SLC44A1: variants seen among roughly 807,000 people sequenced by gnomAD.
SLC44A1 encodes solute carrier family 44 member 1, also known as choline transporter-like protein 1.
In SLC44A1, 26 loss-of-function variants were observed where a neutral mutation model predicts 79.3. The observed-to-expected ratio is 0.33, with a 90% confidence interval of 0.24 to 0.46. The LOEUF (loss-of-function observed/expected upper bound fraction) is 0.46. Ranked by LOEUF, SLC44A1 falls within the 20% of genes least tolerant of loss-of-function variation. SLC44A1 has a pLI of 1.00. For missense variants in SLC44A1, 688 were observed against 798.1 expected, an observed-to-expected ratio of 0.86 and a Z score of 1.66; for synonymous variants, 263 against 286.2, an observed-to-expected ratio of 0.92 and a Z score of 0.82.
intron 2 of SLC44A1, among the ~76,000 whole-genome samples, chr9:105,304,711 T>C (rs1830971171): frequency 1.3e-5 from 2 of 152,118 alleles, no homozygotes; most frequent in South Asian, 4.1e-4. Flanking sequence ...AAAAAGTTAC[T>C]TGCTCATGAT....
In SLC44A1 at chr9:105,367,655, C is replaced by A. The variant is rs570115624; in HGVS notation, c.1494+1226C>A. 2.0e-5 allele frequency among the ~76,000 whole-genome samples: 3 copies of A among 152,216 alleles called. No individual in the cohort carries two copies. The South Asian group carries it at 6.2e-4, about 32-fold the overall frequency. ...AGTCTCAATCCTACTGCCGTACCCC[C>A]AGGCACCTTTTGCTTTTGCAGTTTT... On this transcript the variant is annotated intron_variant, in intron 12 of 15. Transcript: ENST00000374720.
At chr9:105,436,193 A>G (rs1829461923) in intron 15 of SLC44A1, among the ~76,000 whole-genome samples, 1 of 152,220 alleles carries the variant, frequency 6.6e-6, no homozygotes, top group Non-Finnish European at 1.5e-5. Context: ...GCAAGACTCT[A>G]TCTCAAAAAC....
In SLC44A1 at chr9:105,395,631, G is replaced by A. The variant is rs1828860697; in HGVS notation, c.*6575G>A. ...CAGTCTAAGTATCTAAATGTGATATGCCCTTTTGTCACAGAAGTGTAAGAC... is the reference window on the plus strand; with the variant it reads ...CAGTCTAAGTATCTAAATGTGATATACCCTTTTGTCACAGAAGTGTAAGAC... On this transcript the variant is annotated 3_prime_UTR_variant, in exon 16 of 16. Coordinates refer to ENST00000374720, the MANE Select transcript of SLC44A1 (RefSeq NM_080546.5). 8 of 985,086 alleles carry A rather than the reference G, an allele frequency of 8.1e-6. No individual in the cohort carries two copies. In the South Asian group the frequency reaches 2.8e-4, roughly 35 times the overall value. 61.0% of individuals were successfully genotyped at this position (985,086 alleles called of 1,614,324 possible). A position where few individuals can be genotyped will look rare whatever the true frequency, so the allele number is the denominator to read the frequency against.
chr9:105,403,548 A>G (rs10113900), intron 15 of SLC44A1, among the ~76,000 whole-genome samples: 8,165 of 151,242 alleles, frequency 0.054, 744 homozygotes, highest in African/African-American at 0.19. Flanking sequence ...TGAGTTCTAC[A>G]TTAGCTAAGA....
rs771994647 is a variant in SLC44A1 at position 105,358,473 on chromosome 9, AACT to A, written c.760+44_760+46del. Reference sequence around the variant, plus strand: ...TCTTTGTTTTCTACCTCAGCCTCTTAACTACTTTGGTAGAAAATAGAAATATAA... The same window carrying A: ...TCTTTGTTTTCTACCTCAGCCTCTTAACTTTGGTAGAAAATAGAAATATAA... On this transcript the variant is annotated intron_variant, in intron 7 of 15. Transcript: ENST00000374720. 3.0e-6 allele frequency: 3 copies of A among 1,009,356 alleles called. No individual in the cohort carries two copies. The East Asian group carries it at 7.1e-5, about 24-fold the overall frequency. The allele number at this position is 1,009,356 out of a possible 1,614,324, so 62.5% of individuals were successfully genotyped here.
At chr9:105,342,536 C>A (rs569158072) in intron 4 of SLC44A1, among the ~76,000 whole-genome samples, 69 of 152,244 alleles carry the variant, frequency 4.5e-4, no homozygotes, top group South Asian at 2.1e-3. Flanking sequence ...CTCAGCCCAG[C>A]CATACCAAGA....
Position 105,395,936 on chromosome 9 carries a change from C to T in SLC44A1, c.*6880C>T. ...TTTGTAAATTGTATTAGATACCCCA[C>T]AGGAATGTGACAATAATAGGATAGC... On this transcript the variant is annotated 3_prime_UTR_variant, in exon 16 of 16. Transcript: ENST00000374720. 1.0e-6 allele frequency: 1 copy of T among 982,198 alleles called. No individual in the cohort carries two copies. The highest frequency in any genetic ancestry group is 1.2e-6 in the Non-Finnish European group (1 of 828,626). The allele number at this position is 982,198 out of a possible 1,614,324, so 60.8% of individuals were successfully genotyped here. A position where few individuals can be genotyped will look rare whatever the true frequency, so the allele number is the denominator to read the frequency against.
At chr9:105,258,151 C>G (rs953559803) in intron 1 of SLC44A1, among the ~76,000 whole-genome samples, 1 of 152,134 alleles carries the variant, frequency 6.6e-6, no homozygotes, top group African/African-American at 2.4e-5. Flanking sequence ...AACGCCACAT[C>G]ATGGAAGAAG....
At chr9:105,252,119 A>C (rs1467682282) in intron 1 of SLC44A1, among the ~76,000 whole-genome samples, 1 of 152,246 alleles carries the variant, frequency 6.6e-6, no homozygotes, top group African/African-American at 2.4e-5. Flanking sequence ...GGACACAGTC[A>C]TATTAATTCA....
chr9:105,370,224 G>A (rs1442578589), intron 12 of SLC44A1, among the ~76,000 whole-genome samples: 3 of 152,218 alleles, frequency 2.0e-5, no homozygotes, highest in Admixed American at 1.3e-4. Flanking sequence ...TTTTAGACTA[G>A]GAAGTATAGA....
rs1588863080 is a variant in SLC44A1 at position 105,391,488 on chromosome 9, A to G, written c.*2432A>G. The G allele has an allele frequency of 1.0e-6, 1 of 985,642 alleles. No individual in the cohort carries two copies. The highest frequency in any genetic ancestry group is 1.2e-6 in the Non-Finnish European group (1 of 829,894). The allele number at this position is 985,642 out of a possible 1,614,324, so 61.1% of individuals were successfully genotyped here. A position where few individuals can be genotyped will look rare whatever the true frequency, so the allele number is the denominator to read the frequency against. On this transcript the variant is annotated 3_prime_UTR_variant, in exon 16 of 16. Coordinates refer to ENST00000374720, the MANE Select transcript of SLC44A1 (RefSeq NM_080546.5). ...CAGGCTGTTTTCCTTAAGTAAATTC[A>G]TGTGCCGTGTAGAAATATGCAGATA...
chr9:105,290,990 C>T (rs1056158733), intron 1 of SLC44A1, among the ~76,000 whole-genome samples: 28 of 152,290 alleles, frequency 1.8e-4, no homozygotes, highest in African/African-American at 6.0e-4. Context: ...CTTATGGTAA[C>T]CGTAAGTAGT....
At chr9:105,268,324 C>T (rs1051366118) in intron 1 of SLC44A1, among the ~76,000 whole-genome samples, 7 of 152,078 alleles carry the variant, frequency 4.6e-5, no homozygotes, top group African/African-American at 7.2e-5. Context: ...TCAGCTTTTT[C>T]GAGTGTACTA....
chr9:105,346,498 G>GT, intron 4 of SLC44A1, among the ~76,000 whole-genome samples: 1 of 152,212 alleles, frequency 6.6e-6, no homozygotes, highest in South Asian at 2.1e-4. Flanking sequence ...AAAGAAATAA[G>GT]TTGACAATTC....
chr9:105,369,373 C>G (rs918649150), intron 12 of SLC44A1, among the ~76,000 whole-genome samples: 1 of 152,174 alleles, frequency 6.6e-6, no homozygotes, highest in South Asian at 2.1e-4. Flanking sequence ...CTTGCTGTGA[C>G]TTCACATGGT....
At chr9:105,363,078 G>A in intron 9 of SLC44A1, 71 bp downstream of exon 9, 3 of 1,197,838 alleles carry the variant, frequency 2.5e-6, no homozygotes, top group Non-Finnish European at 3.6e-6. Context: ...ACATCAGAGA[G>A]AGGTAATTCT....
chr9:105,299,057 T>C (rs1564422967), intron 1 of SLC44A1, among the ~76,000 whole-genome samples, 163 bp from the exon 2 acceptor site: 1 of 152,112 alleles, frequency 6.6e-6, no homozygotes, highest in Non-Finnish European at 1.5e-5. Flanking sequence ...GGGGTTAGCA[T>C]AAACGTCACA....
chr9:105,372,123 G>C (rs1192785318), intron 12 of SLC44A1, among the ~76,000 whole-genome samples: 1 of 152,168 alleles, frequency 6.6e-6, no homozygotes, highest in Non-Finnish European at 1.5e-5. Context: ...GAAGCAGGTG[G>C]ATGCTAACAG....
rs1282257803 is a variant in SLC44A1, at chr9:105,392,401, CTCTTTTTTT to C, written c.*3347_*3355del. 3.7e-4 allele frequency: 118 copies of C among 318,944 alleles called. No homozygotes were observed. The highest frequency in any genetic ancestry group is 7.1e-4 in the East Asian group (2 of 2,834). The allele number at this position is 318,944 out of a possible 1,614,324, so 19.8% of individuals were successfully genotyped here. A position where few individuals can be genotyped will look rare whatever the true frequency, so the allele number is the denominator to read the frequency against. On this transcript the variant is annotated 3_prime_UTR_variant, in exon 16 of 16. Transcript: ENST00000374720. ...TTGTAGAGATGCTCTCTCTCTCTCTCTCTTTTTTTTTTTTTTTTTTTTTTTTTTTCCGTG... is the reference window on the plus strand; with the variant it reads ...TTGTAGAGATGCTCTCTCTCTCTCTCTTTTTTTTTTTTTTTTTTTTCCGTG...
Sources: allele counts gnomAD v4.1 joint callset (sites outside exome capture counted in the v4.1 genomes callset), GRCh38; gene constraint gnomAD v4.1.1; transcripts MANE v1.5; gene names NCBI Gene and HGNC (gene_info 2026-07-23, HGNC 2026-07-21).